C9orf43: variants seen among roughly 807,000 people sequenced by gnomAD.
C9orf43 encodes uncharacterized protein C9orf43.
In C9orf43, 45 loss-of-function variants were observed where a neutral mutation model predicts 59.1. The ratio of observed to expected loss-of-function variants is 0.76; its 90% CI spans 0.60 to 0.98. C9orf43 has a LOEUF of 0.98. C9orf43 is among the 50% of genes least tolerant of loss of function. The pLI, the probability that C9orf43 is intolerant of heterozygous loss-of-function variation, is 0.00. For synonymous variants in C9orf43, 203 were observed against 196.8 expected (o/e 1.03, Z -0.26); for missense variants, 533 against 554.9 (o/e 0.96, Z 0.40).
chr9:113,427,173 T>A (rs1211182306), intron 11 of C9orf43, among the ~76,000 whole-genome samples: 1 of 152,172 alleles, frequency 6.6e-6, no homozygotes, highest in African/African-American at 2.4e-5. Context: ...AAGCTTTTAT[T>A]TATTTATTTA....
At chr9:113,425,162 A>T in intron 9 of C9orf43, 86 bp downstream of exon 9, 2 of 1,488,556 alleles carry the variant, frequency 1.3e-6, no homozygotes, top group East Asian at 2.3e-5. Context: ...CAATTCAGTT[A>T]TATTTGTGGC....
chr9:113,429,145 G>A, intron 13 of C9orf43, 27 bp from the exon 14 acceptor site: 1 of 1,603,782 alleles, frequency 6.2e-7, no homozygotes, highest in Non-Finnish European at 8.5e-7. Flanking sequence ...GTTTACAGGT[G>A]CAATTAATGA....
At position 113,429,295 on chromosome 9, in the gene C9orf43, G is replaced by C; in HGVS notation, c.1295G>C (p.Ser432Thr). 6.2e-7 allele frequency: 1 copy of C among 1,614,194 alleles called. No individual in the cohort carries two copies. The highest frequency in any genetic ancestry group is 1.3e-5 in the African/African-American group (1 of 75,058). The change falls in exon 14 of 14, where the codon AGC becomes ACC. Residue 432 changes from serine to threonine, a missense_variant. Ser to Thr is a moderately conservative substitution (Grantham distance 58). Transcript: ENST00000374165. ...TTTAACTTTTCAGAAATTATGGCTAGCACAGGCTGGAACTCTGAGCTCAAA... is the reference window on the plus strand; with the variant it reads ...TTTAACTTTTCAGAAATTATGGCTACCACAGGCTGGAACTCTGAGCTCAAA... ...ISFNFSEIMA[S>T]TGWNSELKLL... is the part of the protein sequence containing the mutation.
Position 113,413,910 on chromosome 9 carries a change from ATC to A in C9orf43, c.287+18_287+19del, listed in dbSNP as rs1828265435. 6.2e-7 allele frequency: 1 copy of A among 1,604,476 alleles called. No individual in the cohort carries two copies. Among genetic ancestry groups the A allele is most frequent in the East Asian group, 2.2e-5 (1 of 44,840 alleles). ...TTCATGGCAGGTAAATTATCATGGA[ATC>A]TTCCTTTACAGCCTATTGTCTCAAA... On this transcript the variant is annotated intron_variant, in intron 3 of 13. Coordinates refer to ENST00000374165, the MANE Select transcript of C9orf43 (RefSeq NM_001278629.2).
rs761863039 is a variant in C9orf43 at position 113,413,630 on chromosome 9, C to A, written c.137C>A (p.Pro46His). The change falls in exon 2 of 14, where the codon CCC becomes CAC. Residue 46 changes from proline to histidine, a missense_variant. By Grantham distance (77) the Pro-to-His change is moderately conservative. Transcript: ENST00000374165. ...ATCCTCGGCTCATCCTGCAAAACTC[C>A]CCTGGATGCTGAAGGTGAATTAGCC... ...PRILGSSCKTPLDAEDKLPVL... is the reference protein window; with the variant it reads ...PRILGSSCKTHLDAEDKLPVL... 6.2e-7 allele frequency: 1 copy of A among 1,614,172 alleles called. No individual in the cohort carries two copies. The highest frequency in any genetic ancestry group is 2.2e-5 in the East Asian group (1 of 44,890).
At chr9:113,420,680 A>G (rs1828528642) in intron 4 of C9orf43, 2 of 777,412 alleles carry the variant, frequency 2.6e-6, no homozygotes, top group East Asian at 1.3e-4. Flanking sequence ...AATTGTAGTC[A>G]GACTGTAAAA....
At chr9:113,422,350 G>A (rs1828607247) in intron 5 of C9orf43, among the ~76,000 whole-genome samples, 199 bp from the exon 6 acceptor site, 1 of 152,144 alleles carries the variant, frequency 6.6e-6, no homozygotes, top group Non-Finnish European at 1.5e-5. Flanking sequence ...TTTAGCAGAA[G>A]GTACTTGGGC....
chr9:113,422,332 G>A lies in C9orf43; in HGVS notation c.447-217G>A, dbSNP rs540085803. On this transcript the variant is annotated intron_variant, in intron 5 of 13. Transcript: ENST00000374165. ...AAACCTAATTTAGATATGAGGATGGGGGGTCTTTTTAGCAGAAGGTACTTG... is the reference window on the plus strand; with the variant it reads ...AAACCTAATTTAGATATGAGGATGGAGGGTCTTTTTAGCAGAAGGTACTTG... Among the ~76,000 whole-genome samples the A allele has an allele frequency of 3.6e-4, 55 of 152,242 alleles. No homozygotes were observed. The South Asian group carries it at 0.011, about 29-fold the overall frequency.
At chr9:113,421,396 G>T (rs2119083164) in intron 5 of C9orf43, among the ~76,000 whole-genome samples, 193 bp downstream of exon 5, 1 of 151,850 alleles carries the variant, frequency 6.6e-6, no homozygotes, top group African/African-American at 2.4e-5. Context: ...TGAGATTCAT[G>T]CTGTGGGACT....
intron 1 of C9orf43, 59 bp from the exon 2 acceptor site, chr9:113,413,386 A>C: frequency 7.0e-7 from 1 of 1,427,156 alleles, no homozygotes. Context: ...TCAAATTAAC[A>C]TCTGGACTGT....
intron 6 of C9orf43, among the ~76,000 whole-genome samples, chr9:113,422,980 A>G (rs1232350924): frequency 1.3e-5 from 2 of 152,208 alleles, no homozygotes; most frequent in African/African-American, 2.4e-5. Flanking sequence ...TAAGACTGCT[A>G]TGTCCATGAG....
chr9:113,428,372 A>AATGC (rs1422465476), intron 12 of C9orf43, 149 bp downstream of exon 12: 2 of 838,874 alleles, frequency 2.4e-6, no homozygotes, highest in Non-Finnish European at 3.9e-6. Context: ...GAGGTCACTT[A>AATGC]ATGCAGCTGG....
intron 2 of C9orf43, 29 bp downstream of exon 2, chr9:113,413,673 T>G: frequency 1.2e-6 from 2 of 1,612,854 alleles, no homozygotes; most frequent in Non-Finnish European, 1.7e-6. Flanking sequence ...GTCCTCTCCC[T>G]CACGAGGTCC....
intron 13 of C9orf43, 77 bp downstream of exon 13, chr9:113,429,040 T>C (rs1379557544): frequency 1.3e-6 from 2 of 1,510,782 alleles, no homozygotes; most frequent in East Asian, 2.3e-5. Context: ...CCAGGATAGT[T>C]TACCTCCCTG....
At chr9:113,417,431 G>A (rs185661371) in intron 3 of C9orf43, among the ~76,000 whole-genome samples, 3 of 152,260 alleles carry the variant, frequency 2.0e-5, no homozygotes, top group Non-Finnish European at 4.4e-5. Context: ...ATTTTAGTGC[G>A]GGCCACTGTG....
At chr9:113,422,830 A>AGG (rs562526945) in intron 6 of C9orf43, among the ~76,000 whole-genome samples, 5 of 152,018 alleles carry the variant, frequency 3.3e-5, no homozygotes, top group Admixed American at 6.6e-5. Context: ...TTGCGTGTTC[A>AGG]GGGGGGGAGT....
intron 1 of C9orf43, among the ~76,000 whole-genome samples, chr9:113,412,715 TG>T (rs777131178): frequency 1.9e-3 from 287 of 152,378 alleles, no homozygotes; most frequent in Non-Finnish European, 2.0e-3. Flanking sequence ...TAACTCATCT[TG>T]GCCTACCAAA....
chr9:113,424,104 C>G (rs1349593921), intron 7 of C9orf43, 62 bp from the exon 8 acceptor site: 2 of 1,520,572 alleles, frequency 1.3e-6, no homozygotes, highest in African/African-American at 1.4e-5. Context: ...TCTCTTTCTC[C>G]TCAGCCATGC....
chr9:113,413,599 C>G lies in C9orf43; in HGVS notation c.106C>G (p.Pro36Ala), dbSNP rs770952202. 15 of 1,614,110 alleles carry G rather than the reference C, an allele frequency of 9.3e-6. No individual in the cohort carries two copies. Among genetic ancestry groups the G allele is most frequent in the Admixed American group, 1.7e-5 (1 of 60,006 alleles). ...TATCCGCCGCATTGAGAGGGGCCAT[C>G]CTCGAATCCTCGGCTCATCCTGCAA... is the stretch of plus-strand genomic sequence containing the variant. ...ATIRRIERGHPRILGSSCKTP... is the reference protein window; with the variant it reads ...ATIRRIERGHARILGSSCKTP... Residue 36 changes from proline to alanine, a missense_variant, in exon 2 of 14, where the codon CCT becomes GCT. Transcript: ENST00000374165.
Sources: allele counts gnomAD v4.1 joint callset (sites outside exome capture counted in the v4.1 genomes callset), GRCh38; gene constraint gnomAD v4.1.1; transcripts MANE v1.5; gene names NCBI Gene and HGNC (gene_info 2026-07-23, HGNC 2026-07-21).